The following EPHB1 variants were observed in gnomAD, a reference collection of about 807,000 sequenced individuals.
The protein encoded by EPHB1 is EPH receptor B1.
Under a neutral mutation model 94.4 loss-of-function variants are expected in EPHB1, and 30 were observed. That is an observed-to-expected ratio of 0.32 (90% CI 0.24 to 0.43). The LOEUF (loss-of-function observed/expected upper bound fraction) is 0.43. EPHB1 is among the 20% of genes least tolerant of loss of function. EPHB1 has a pLI of 1.00. For missense variants in EPHB1, 1,055 were observed against 1,308.3 expected, an observed-to-expected ratio of 0.81 and a Z score of 2.99; for synonymous variants, 522 against 489.1, an observed-to-expected ratio of 1.07 and a Z score of -0.89.
intron 1 of EPHB1, among the ~76,000 whole-genome samples, chr3:134,904,510 T>C (rs142960802): frequency 0.017 from 2,574 of 152,138 alleles, 79 homozygotes; most frequent in African/African-American, 0.058. Flanking sequence ...GTAAGCACCA[T>C]GGGGGTGGAC....
chr3:135,082,534 A>T (rs1345741860), intron 3 of EPHB1, among the ~76,000 whole-genome samples: 1 of 152,128 alleles, frequency 6.6e-6, no homozygotes, highest in Non-Finnish European at 1.5e-5. Flanking sequence ...GGGCTTCCAG[A>T]CTCCACATCC....
chr3:134,942,279 G>A (rs1355067434), intron 2 of EPHB1, among the ~76,000 whole-genome samples: 1 of 152,196 alleles, frequency 6.6e-6, no homozygotes, highest in East Asian at 1.9e-4. Flanking sequence ...GTTCATATGG[G>A]AGATGGATTT....
intron 4 of EPHB1, among the ~76,000 whole-genome samples, chr3:135,109,364 T>G (rs1326840767): frequency 1.3e-5 from 2 of 152,210 alleles, no homozygotes; most frequent in Admixed American, 6.5e-5. Context: ...ATTCTGTCAT[T>G]TTATTCTCAC....
At chr3:135,043,675 G>T (rs1239939265) in intron 3 of EPHB1, among the ~76,000 whole-genome samples, 1 of 152,204 alleles carries the variant, frequency 6.6e-6, no homozygotes, top group Non-Finnish European at 1.5e-5. Flanking sequence ...CATAAGGTCC[G>T]GCTCCATCCT....
At chr3:134,865,229 A>G (rs958983839) in intron 1 of EPHB1, among the ~76,000 whole-genome samples, 4 of 151,962 alleles carry the variant, frequency 2.6e-5, no homozygotes, top group African/African-American at 9.7e-5. Context: ...TCCTTTGATT[A>G]TATTATAAAC....
chr3:135,140,954 A>G (rs887890905), intron 5 of EPHB1, among the ~76,000 whole-genome samples: 8 of 152,174 alleles, frequency 5.3e-5, no homozygotes, highest in Non-Finnish European at 1.0e-4. Context: ...AAGATGGAGG[A>G]AAAAGGCACA....
chr3:134,928,652 G>T (rs1260761839), intron 2 of EPHB1, among the ~76,000 whole-genome samples: 2 of 152,302 alleles, frequency 1.3e-5, no homozygotes, highest in East Asian at 3.9e-4. Context: ...CCACGGGAAG[G>T]TGTGCCATCA....
chr3:134,897,654 T>C (rs2038114056), intron 1 of EPHB1, among the ~76,000 whole-genome samples: 1 of 152,192 alleles, frequency 6.6e-6, no homozygotes, highest in African/African-American at 2.4e-5. Context: ...GCACTGTTGA[T>C]TGGCATGTTG....
At chr3:135,255,273 C>T (rs1022316554) in intron 15 of EPHB1, among the ~76,000 whole-genome samples, 20 of 151,988 alleles carry the variant, frequency 1.3e-4, no homozygotes, top group African/African-American at 4.4e-4. Flanking sequence ...TGTGTTTGCT[C>T]TTGCTTTTCT....
chr3:135,021,424 G>A (rs1576322587), intron 3 of EPHB1, among the ~76,000 whole-genome samples: 1 of 151,792 alleles, frequency 6.6e-6, no homozygotes. Context: ...CGATGTCTTT[G>A]ATTGCTTTTG....
intron 1 of EPHB1, among the ~76,000 whole-genome samples, chr3:134,897,569 A>G (rs920906115): frequency 5.3e-5 from 8 of 151,914 alleles, no homozygotes; most frequent in African/African-American, 1.9e-4. Context: ...CTCATCCACA[A>G]CTCAAGGTGG....
At chr3:135,036,566 A>G (rs1936655480) in intron 3 of EPHB1, among the ~76,000 whole-genome samples, 1 of 152,080 alleles carries the variant, frequency 6.6e-6, no homozygotes, top group African/African-American at 2.4e-5. Context: ...TTCTACATTA[A>G]CTTCACCCTT....
In EPHB1 at chr3:134,908,221, G is replaced by A. The variant is rs80289964; in HGVS notation, c.59-17595G>A. Among the ~76,000 whole-genome samples, 846 of 152,314 alleles carry A rather than the reference G, an allele frequency of 5.6e-3. 5 individuals are homozygous for A. The highest frequency in any genetic ancestry group is 0.019 in the African/African-American group (803 of 41,572). On this transcript the variant is annotated intron_variant, in intron 1 of 15. Coordinates refer to ENST00000398015, the MANE Select transcript of EPHB1 (RefSeq NM_004441.5). ...AAACACATGGTGTGGGGCCTTCTGC[G>A]TATGCATCTAGAGGCTTCAGTGTGT...
At chr3:134,916,441 A>G (rs937305748) in intron 1 of EPHB1, among the ~76,000 whole-genome samples, 2 of 152,168 alleles carry the variant, frequency 1.3e-5, no homozygotes, top group Non-Finnish European at 2.9e-5. Flanking sequence ...GCCGTGCAGG[A>G]GCCCATGGCA....
At position 134,896,819 on chromosome 3, in the gene EPHB1, C is replaced by T. The variant is rs1422339356; in HGVS notation, c.59-28997C>T. ...TCTGTATGCCGACTGCGGCTATTGT[C>T]GTCAGGCCCTGCCCAAGAGCCCTTG... On this transcript the variant is annotated intron_variant, in intron 1 of 15. Transcript: ENST00000398015. Among the ~76,000 whole-genome samples, 6 of 152,224 alleles carry T rather than the reference C, an allele frequency of 3.9e-5. No individual in the cohort carries two copies. The East Asian group carries it at 1.2e-3, about 29-fold the overall frequency.
At chr3:135,091,997 G>T (rs576993056) in intron 3 of EPHB1, among the ~76,000 whole-genome samples, 2 of 152,100 alleles carry the variant, frequency 1.3e-5, no homozygotes, top group Non-Finnish European at 2.9e-5. Flanking sequence ...TTTTTAAACG[G>T]AATCCATTAA....
intron 3 of EPHB1, among the ~76,000 whole-genome samples, chr3:135,093,551 C>T (rs1938636115): frequency 6.6e-6 from 1 of 152,096 alleles, no homozygotes; most frequent in Non-Finnish European, 1.5e-5. Context: ...AACCCTGTCT[C>T]TACTAAAAAA....
At chr3:135,235,946 T>C (rs1329481577) in intron 12 of EPHB1, among the ~76,000 whole-genome samples, 1 of 152,188 alleles carries the variant, frequency 6.6e-6, no homozygotes, top group Non-Finnish European at 1.5e-5. Context: ...CACTCCCAAG[T>C]CCTCTTGCCC....
rs146429554 is a variant in EPHB1 at position 134,855,811 on chromosome 3, G to A, written c.58+60122G>A. Among the ~76,000 whole-genome samples, 812 of 152,244 alleles carry A rather than the reference G, an allele frequency of 5.3e-3. 7 individuals are homozygous for A. Among genetic ancestry groups the A allele is most frequent in the Middle Eastern group, 0.017 (5 of 294 alleles). ...TTCTGTTGCACTGCAATAACTCGTG[G>A]TATTGAGCCCTCAAATGGTGCCTGG... is the stretch of plus-strand genomic sequence containing the variant. On this transcript the variant is annotated intron_variant, in intron 1 of 15. Coordinates refer to ENST00000398015, the MANE Select transcript of EPHB1 (RefSeq NM_004441.5).
Sources: allele counts gnomAD v4.1 joint callset (sites outside exome capture counted in the v4.1 genomes callset), GRCh38; gene constraint gnomAD v4.1.1; transcripts MANE v1.5; gene names NCBI Gene and HGNC (gene_info 2026-07-23, HGNC 2026-07-21).